Variants in SLC36A1 observed in about 807,000 individuals in gnomAD.
SLC36A1 encodes the protein proton-coupled amino acid transporter 1.
A neutral mutation model predicts 47.5 loss-of-function variants in SLC36A1; 30 were observed. The observed-to-expected ratio is 0.63, with a 90% CI of 0.47 to 0.86. SLC36A1 has a LOEUF of 0.86. SLC36A1 is among the 40% of genes least tolerant of loss of function. SLC36A1 has a pLI of 0.00. For missense variants in SLC36A1, 517 were observed against 606.0 expected (o/e 0.85, Z 1.54); for synonymous variants, 255 against 249.7 (o/e 1.02, Z -0.20).
chr5:151,542,660 C>T, the SLC36A1 span: 1 of 1,614,212 alleles, frequency 6.2e-7, no homozygotes, highest in Non-Finnish European at 8.5e-7. Context: ...GTGTCCTTGT[C>T]AATGGCAGTC....
the SLC36A1 span, among the ~76,000 whole-genome samples, chr5:151,349,429 T>C: frequency 6.6e-6 from 1 of 151,938 alleles, no homozygotes; most frequent in Non-Finnish European, 1.5e-5. Context: ...CCAACACGAG[T>C]GGCCCAGGCA....
At chr5:151,528,101 A>C in the SLC36A1 span, 1 of 1,613,924 alleles carries the variant, frequency 6.2e-7, no homozygotes, top group Non-Finnish European at 8.5e-7. Flanking sequence ...TAATGTCACT[A>C]TTTAGGGGTC....
At chr5:151,380,590 A>T in the SLC36A1 span, 2 of 548,814 alleles carry the variant, frequency 3.6e-6, no homozygotes, top group East Asian at 1.0e-4. Context: ...TGAGGACATC[A>T]GTTCCCTGTC....
At chr5:151,383,825 G>A in the SLC36A1 span, among the ~76,000 whole-genome samples, 6 of 152,094 alleles carry the variant, frequency 3.9e-5, 1 homozygote, top group South Asian at 2.1e-4. Context: ...TGCCCGCCTC[G>A]GCCTCCCAAG....
At chr5:151,345,347 G>A in the SLC36A1 span, among the ~76,000 whole-genome samples, 10 of 152,166 alleles carry the variant, frequency 6.6e-5, no homozygotes, top group African/African-American at 2.4e-4. Flanking sequence ...TCAAGGCCAC[G>A]ACTTAACTAG....
chr5:151,390,840 T>C, the SLC36A1 span, among the ~76,000 whole-genome samples: 5 of 152,384 alleles, frequency 3.3e-5, no homozygotes, highest in East Asian at 9.6e-4. Context: ...TCAGGTAGCA[T>C]GATGCCTCCA....
chr5:151,538,343 G>T, the SLC36A1 span, among the ~76,000 whole-genome samples: 1 of 152,168 alleles, frequency 6.6e-6, no homozygotes, highest in African/African-American at 2.4e-5. Flanking sequence ...CCTGATATAG[G>T]CATTCTGGAA....
At position 151,490,079 on chromosome 5, in the gene SLC36A1, G is replaced by T. The variant is rs1270181313; in HGVS notation, c.*1825G>T. 1 of 152,166 alleles carries T rather than the reference G, an allele frequency of 6.6e-6. No homozygotes were observed. The highest frequency in any genetic ancestry group is 1.5e-5 in the Non-Finnish European group (1 of 68,038). The allele number at this position is 152,166 out of a possible 1,614,324, so 9.4% of individuals were successfully genotyped here. ...GGGATGGGAAAAGTGGACTCTCATT[G>T]TAGTGACTCCCAACCTACCTAATAA... On this transcript the variant is annotated 3_prime_UTR_variant, in exon 11 of 11. Transcript: ENST00000243389.
chr5:151,524,277 C>T, the SLC36A1 span, among the ~76,000 whole-genome samples: 9 of 152,294 alleles, frequency 5.9e-5, no homozygotes, highest in East Asian at 1.5e-3. Flanking sequence ...TGATTTTTAC[C>T]TGTTGTAAAT....
the SLC36A1 span, chr5:151,522,135 T>C: frequency 2.8e-6 from 4 of 1,429,708 alleles, no homozygotes; most frequent in Non-Finnish European, 3.8e-6. Context: ...TGCAGTGCTC[T>C]TGCGCCCGAC....
the SLC36A1 span, chr5:151,554,544 G>A: frequency 6.2e-7 from 1 of 1,614,184 alleles, no homozygotes; most frequent in Non-Finnish European, 8.5e-7. Flanking sequence ...ACAGGGCTCA[G>A]CCTCTCTGGA....
At chr5:151,522,212 G>A in the SLC36A1 span, 4 of 679,194 alleles carry the variant, frequency 5.9e-6, no homozygotes, top group African/African-American at 3.7e-5. Context: ...CTGGCTCAGC[G>A]CATTGTTGCA....
rs147296471 is a variant in SLC36A1, at chr5:151,465,174, C to G, written c.419+5C>G. 140 of 1,611,096 alleles carry G rather than the reference C, an allele frequency of 8.7e-5. 1 individual carries two copies. In the African/African-American group the frequency reaches 1.7e-3, roughly 20 times the overall value. ...GAACCACGCACACTGGGGAAGGTAACTGATTTCCTCCTTCCTTTCAACTGT... is the reference window on the plus strand; with the variant it reads ...GAACCACGCACACTGGGGAAGGTAAGTGATTTCCTCCTTCCTTTCAACTGT... On this transcript the variant is annotated splice_donor_5th_base_variant and intron_variant, in intron 5 of 10. Transcript: ENST00000243389.
chr5:151,531,518 G>T, the SLC36A1 span: 2 of 1,589,506 alleles, frequency 1.3e-6, no homozygotes, highest in Non-Finnish European at 1.7e-6. This position sits in a 1 kb window ranked among gnomAD's most constrained non-coding sequence, Gnocchi z 5.7. Context: ...TACCCACACA[G>T]GGGAGGAACC....
the SLC36A1 span, chr5:151,414,820 G>A: frequency 2.0e-5 from 3 of 152,204 alleles, no homozygotes; most frequent in African/African-American, 4.8e-5. Flanking sequence ...AAGTGAATAT[G>A]TGGCCATCTG....
At chr5:151,453,782 A>G (rs1363538330) in intron 1 of SLC36A1, among the ~76,000 whole-genome samples, 2 of 152,070 alleles carry the variant, frequency 1.3e-5, no homozygotes, top group African/African-American at 4.8e-5. Context: ...TTGCCTTAAA[A>G]AAAAAAAATC....
At chr5:151,499,415 T>G in the SLC36A1 span, among the ~76,000 whole-genome samples, 11 of 152,156 alleles carry the variant, frequency 7.2e-5, no homozygotes, top group African/African-American at 2.7e-4. Context: ...AGAGGTTGGG[T>G]TGACTCTTCT....
At chr5:151,404,392 G>T in the SLC36A1 span, among the ~76,000 whole-genome samples, 1 of 152,146 alleles carries the variant, frequency 6.6e-6, no homozygotes, top group African/African-American at 2.4e-5. Flanking sequence ...CCTTTTAAAT[G>T]AGGTGTTTAG....
chr5:151,406,276 A>C, the SLC36A1 span, among the ~76,000 whole-genome samples: 2 of 152,196 alleles, frequency 1.3e-5, no homozygotes, highest in African/African-American at 4.8e-5. Context: ...CAGGCTTCGA[A>C]GTATGTCTGT....
Sources: gnomAD v4.1 joint callset for allele counts (sites outside exome capture counted in the v4.1 genomes callset) on GRCh38, gnomAD v4.1.1 for gene constraint, Gnocchi (gnomAD v3.1) non-coding constraint, MANE v1.5 for transcripts, NCBI Gene and HGNC (gene_info 2026-07-23, HGNC 2026-07-21) for gene names.